Variants in LRP1B observed in about 807,000 individuals in gnomAD.
The protein encoded by LRP1B is low-density lipoprotein receptor-related protein 1B.
Under a neutral mutation model 556.6 loss-of-function variants are expected in LRP1B, and 217 were observed. The ratio of observed to expected loss-of-function variants is 0.39; its 90% CI spans 0.35 to 0.44. LRP1B has a LOEUF of 0.44. Ranked by LOEUF, LRP1B falls within the 20% of genes least tolerant of loss-of-function variation. The pLI is 1.00. For missense variants in LRP1B, 5,053 were observed against 5,620.8 expected (o/e 0.90, Z 3.23); for synonymous variants, 2,047 against 1,865.8 (o/e 1.10, Z -2.50).
chr2:141,492,091 A>AG (rs67960557), intron 2 of LRP1B, among the ~76,000 whole-genome samples: 5 of 100,198 alleles, frequency 5.0e-5, no homozygotes, highest in Admixed American at 3.9e-4. Context: ...AAAAAAAAAA[A>AG]CACTAAGAAA....
chr2:141,426,755 G>T (rs567643201), intron 3 of LRP1B, among the ~76,000 whole-genome samples: 1 of 152,140 alleles, frequency 6.6e-6, no homozygotes, highest in South Asian at 2.1e-4. Flanking sequence ...TTTTTAGGCT[G>T]TATTTCCCAG....
rs1436117497 is a variant in LRP1B at position 141,254,386 on chromosome 2, A to C, written c.463+136T>G. The C allele has an allele frequency of 8.5e-6, 7 of 826,504 alleles. No individual in the cohort carries two copies. In the East Asian group the frequency reaches 8.7e-5, roughly 10 times the overall value. 51.2% of individuals were successfully genotyped at this position (826,504 alleles called of 1,614,324 possible). ...ATGTTTATGTTTTTGTTGGGGGGGC[A>C]ACTTTTAAATCTCAAGAAAGAAAAG... is the stretch of plus-strand genomic sequence containing the variant. On this transcript the variant is annotated intron_variant, in intron 4 of 90. Transcript: ENST00000389484.
intron 27 of LRP1B, among the ~76,000 whole-genome samples, chr2:140,866,486 A>T (rs923919475): frequency 1.3e-5 from 2 of 152,088 alleles, no homozygotes; most frequent in African/African-American, 4.8e-5. Flanking sequence ...AGAAGAAAAA[A>T]ATTAAAGTTA....
chr2:141,286,127 G>A (rs1685713631), intron 3 of LRP1B, among the ~76,000 whole-genome samples: 1 of 151,136 alleles, frequency 6.6e-6, no homozygotes, highest in Non-Finnish European at 1.5e-5. Context: ...ATAGTGATAG[G>A]AAAAGAAAAT....
At chr2:141,692,469 T>C (rs1413399493) in intron 2 of LRP1B, among the ~76,000 whole-genome samples, 1 of 152,028 alleles carries the variant, frequency 6.6e-6, no homozygotes, top group Non-Finnish European at 1.5e-5. Flanking sequence ...CCTACTCATC[T>C]TTTCAGCATG....
At chr2:141,414,344 A>AGAGGAAGGGAGGGAGGAAGAGCAGAAAG (rs1691001384) in intron 3 of LRP1B, among the ~76,000 whole-genome samples, 1 of 142,394 alleles carries the variant, frequency 7.0e-6, no homozygotes, top group African/African-American at 2.6e-5. Context: ...AGAGAGAGAG[A>AGAGGAAGGGAGGGAGGAAGAGCAGAAAG]GAGGAAGGGA....
At chr2:140,541,216 G>C (rs1680122988) in intron 44 of LRP1B, 118 bp from the exon 45 acceptor site, 6 of 846,216 alleles carry the variant, frequency 7.1e-6, no homozygotes, top group Non-Finnish European at 1.1e-5. Context: ...TCATTAAAAA[G>C]GAACATTCAG....
At chr2:141,596,496 T>C (rs928423849) in intron 2 of LRP1B, among the ~76,000 whole-genome samples, 16 of 152,016 alleles carry the variant, frequency 1.1e-4, no homozygotes, top group African/African-American at 3.4e-4. Flanking sequence ...TAGCCTTCTT[T>C]TTCTATTAGG....
chr2:140,776,210 G>A lies in LRP1B; in HGVS notation c.5388C>T (p.Asn1796=), dbSNP rs1277021020. ...MDKKLWWADQ[N]LAQLGTCSKR... ...TGCTGCAGGTTCCTAGCTGGGCTAA[G>A]TTTTGGTCTGCCCACCACAGTTTCT... Residue 1796 remains asparagine (N), a synonymous_variant, in exon 33 of 91, where the codon AAC becomes AAT. Transcript: ENST00000389484. 6.2e-7 allele frequency: 1 copy of A among 1,602,160 alleles called. No homozygotes were observed. Among genetic ancestry groups the A allele is most frequent in the African/African-American group, 1.4e-5 (1 of 73,726 alleles).
chr2:141,418,007 A>G (rs907625877), intron 3 of LRP1B, among the ~76,000 whole-genome samples: 4 of 152,184 alleles, frequency 2.6e-5, no homozygotes, highest in African/African-American at 4.8e-5. Context: ...TCATAACTCT[A>G]TTAGTCATTT....
chr2:141,186,750 T>C (rs1195502444), intron 7 of LRP1B, among the ~76,000 whole-genome samples: 2 of 151,956 alleles, frequency 1.3e-5, no homozygotes, highest in Non-Finnish European at 2.9e-5. Flanking sequence ...AATGATAAAA[T>C]ATGGTTCTTT....
At chr2:141,368,882 T>C (rs1192047704) in intron 3 of LRP1B, among the ~76,000 whole-genome samples, 3 of 143,434 alleles carry the variant, frequency 2.1e-5, no homozygotes, top group Non-Finnish European at 4.4e-5. Context: ...TAAAGAAAAG[T>C]TTTTTTTCTC....
chr2:140,330,487 TAATA>T (rs1403141484), intron 79 of LRP1B, among the ~76,000 whole-genome samples: 1 of 151,976 alleles, frequency 6.6e-6, no homozygotes, highest in Admixed American at 6.6e-5. Context: ...AGTTTGTATT[TAATA>T]AATGGTGCTA....
intron 3 of LRP1B, among the ~76,000 whole-genome samples, chr2:141,315,664 A>T (rs1229125521): frequency 2.0e-5 from 3 of 151,924 alleles, no homozygotes; most frequent in African/African-American, 7.2e-5. Flanking sequence ...TATTTCATCC[A>T]AAAGGAAATG....
intron 1 of LRP1B, among the ~76,000 whole-genome samples, chr2:142,051,942 T>C (rs1444228301): frequency 1.3e-5 from 2 of 152,184 alleles, no homozygotes; most frequent in African/African-American, 4.8e-5. Flanking sequence ...ATGTGTTCTT[T>C]ACATTCTTGC....
intron 1 of LRP1B, among the ~76,000 whole-genome samples, chr2:142,062,062 C>T (rs948999065): frequency 6.6e-6 from 1 of 151,780 alleles, no homozygotes; most frequent in Non-Finnish European, 1.5e-5. Context: ...GCATAATGTC[C>T]ACTCCAGAAG....
At chr2:141,261,326 T>G (rs1200705983) in intron 3 of LRP1B, among the ~76,000 whole-genome samples, 4 of 152,200 alleles carry the variant, frequency 2.6e-5, no homozygotes, top group Non-Finnish European at 5.9e-5. Flanking sequence ...GCAATGCTTT[T>G]TTATTGCATT....
rs1386354212 is a variant in LRP1B at position 140,612,911 on chromosome 2, C to A, written c.6800-11272G>T. ...AAGCATGGACTAAGTTCATCTAGCA[C>A]CACTTTTGCTTGGCATTTTGCTCTT... On this transcript the variant is annotated intron_variant, in intron 41 of 90. Coordinates refer to ENST00000389484, the MANE Select transcript of LRP1B (RefSeq NM_018557.3). Among the ~76,000 whole-genome samples the A allele has an allele frequency of 3.3e-5, 5 of 151,950 alleles. No homozygotes were observed. The East Asian group carries it at 9.7e-4, about 29-fold the overall frequency.
At chr2:141,174,602 C>T (rs1714257) in intron 7 of LRP1B, among the ~76,000 whole-genome samples, 151,941 of 152,230 alleles carry the variant, frequency 1, 75,826 homozygotes, top group Non-Finnish European at 1. Context: ...TCAGACATGA[C>T]TTCTGTTAAG....
Sources: allele counts gnomAD v4.1 joint callset (sites outside exome capture counted in the v4.1 genomes callset), GRCh38; gene constraint gnomAD v4.1.1; transcripts MANE v1.5; gene names NCBI Gene and HGNC (gene_info 2026-07-23, HGNC 2026-07-21).